Variants in WRN observed in about 807,000 individuals in gnomAD.
The protein encoded by WRN is WRN RecQ like helicase, also known as bifunctional 3'-5' exonuclease/ATP-dependent helicase WRN.
A neutral mutation model predicts 180.7 loss-of-function variants in WRN; 149 were observed. That is an observed-to-expected ratio of 0.82 (90% CI 0.72 to 0.94). The LOEUF is 0.94. WRN is among the 40% of genes least tolerant of loss of function. The probability of loss-of-function intolerance (pLI) is 0.00; values close to 1 mark genes in which losing one functional copy is unlikely to be tolerated. For synonymous variants in WRN, 548 were observed against 568.9 expected (o/e 0.96, Z 0.52); for missense variants, 1,661 against 1,700.1 (o/e 0.98, Z 0.40).
At chr8:31,131,434 G>A (rs899040251) in intron 23 of WRN, 2 of 152,374 alleles carry the variant, frequency 1.3e-5, no homozygotes, top group African/African-American at 4.8e-5. Flanking sequence ...GGGATTACAG[G>A]CGTGAGCCAC....
chr8:31,130,007 A>G (rs1802085722), intron 23 of WRN, among the ~76,000 whole-genome samples: 1 of 110,288 alleles, frequency 9.1e-6, no homozygotes, highest in Non-Finnish European at 1.9e-5. Context: ...CTTGTCTCAA[A>G]AAAAAAACAA....
intron 28 of WRN, among the ~76,000 whole-genome samples, chr8:31,146,376 T>C (rs947849213): frequency 1.3e-5 from 2 of 151,650 alleles, no homozygotes; most frequent in African/African-American, 4.8e-5. Flanking sequence ...AACCGTGTTA[T>C]TATGGCCACC....
chr8:31,133,636 A>G (rs1802273763), intron 24 of WRN, among the ~76,000 whole-genome samples: 2 of 152,184 alleles, frequency 1.3e-5, no homozygotes, highest in South Asian at 4.1e-4. Context: ...TAGATTCTAA[A>G]TGGAGTTTAA....
At chr8:31,048,429 C>T (rs190920327) in intron 1 of WRN, among the ~76,000 whole-genome samples, 107 of 152,090 alleles carry the variant, frequency 7.0e-4, no homozygotes, top group African/African-American at 2.3e-3. Flanking sequence ...TCTCAAAAAC[C>T]GTACAGGAGA....
In WRN at chr8:31,090,480, GATTC is replaced by G. The variant is rs749616545; in HGVS notation, c.1674_1677del (p.His558GlnfsTer3). The G allele has an allele frequency of 6.2e-7, 1 of 1,612,080 alleles. No individual in the cohort carries two copies. The highest frequency in any genetic ancestry group is 8.5e-7 in the Non-Finnish European group (1 of 1,178,668). On this transcript the variant is annotated frameshift_variant, in exon 14 of 35. Transcript: ENST00000298139. LOFTEE classifies it high-confidence loss of function. ...CACCTTCAAGAGTTCAGTGGAAAGT[GATTC>G]ATTCAGTATTAGAAGAAAGAAGAGA...
At chr8:31,118,925 A>G (rs1801617041) in intron 20 of WRN, among the ~76,000 whole-genome samples, 1 of 151,884 alleles carries the variant, frequency 6.6e-6, no homozygotes, top group Non-Finnish European at 1.5e-5. Flanking sequence ...TTTACACCTG[A>G]GAGTTTATAA....
Position 31,141,592 on chromosome 8 carries a change from A to G in WRN, c.3130A>G (p.Thr1044Ala). 6.2e-7 allele frequency: 1 copy of G among 1,614,094 alleles called. No individual in the cohort carries two copies. Among genetic ancestry groups the G allele is most frequent in the Non-Finnish European group, 8.5e-7 (1 of 1,179,994 alleles). ...CAAATTTATGAAGATTTGCGCCCTT[A>G]CGAAAAAGGTAAACGGTGTAGGAGT... ...YNKFMKICAL[T>A]KKGRNWLHKA... Residue 1044 changes from threonine (T) to alanine (A), a missense_variant, in exon 25 of 35, where the codon ACG becomes GCG. By Grantham distance (58) the Thr-to-Ala change is moderately conservative. Around this residue, in one of 3 missense-constraint regions of WRN, gnomAD observed 1,141 missense variants for 1,149.4 expected, o/e 0.99. Transcript: ENST00000298139.
intron 7 of WRN, among the ~76,000 whole-genome samples, chr8:31,069,857 T>C (rs1812841515): frequency 6.6e-6 from 1 of 152,118 alleles, no homozygotes; most frequent in African/African-American, 2.4e-5. Context: ...ATTTTTTGGC[T>C]TTATGGTTGT....
intron 11 of WRN, among the ~76,000 whole-genome samples, chr8:31,085,852 G>A (rs978932245): frequency 3.9e-5 from 6 of 151,994 alleles, no homozygotes; most frequent in Non-Finnish European, 7.4e-5. Context: ...TTGAAATTGA[G>A]TTTCCTTTCT....
intron 24 of WRN, 25 bp from the exon 25 acceptor site, chr8:31,141,405 A>T: frequency 6.2e-7 from 1 of 1,613,606 alleles, no homozygotes; most frequent in Non-Finnish European, 8.5e-7. Context: ...GCATTTTTAG[A>T]TACTGATTTT....
Position 31,081,305 on chromosome 8 carries a change from TAAAG to T in WRN, c.1269+11_1269+14del. ...CTTATAAATCTACTGAGGTACTAAATAAAGAGGAAGCACATTTTTAGTTATTAGT... is the reference window on the plus strand; with the variant it reads ...CTTATAAATCTACTGAGGTACTAAATAGGAAGCACATTTTTAGTTATTAGT... On this transcript the variant is annotated intron_variant, in intron 9 of 34. Coordinates refer to ENST00000298139, the MANE Select transcript of WRN (RefSeq NM_000553.6). The T allele has an allele frequency of 9.3e-6, 15 of 1,612,930 alleles. No homozygotes were observed. Among genetic ancestry groups the T allele is most frequent in the Non-Finnish European group, 1.2e-5 (14 of 1,179,250 alleles).
Position 31,120,293 on chromosome 8 carries a change from T to G in WRN, c.2499T>G (p.Ile833Met). The G allele has an allele frequency of 6.2e-7, 1 of 1,613,088 alleles. No individual in the cohort carries two copies. Among genetic ancestry groups the G allele is most frequent in the Non-Finnish European group, 8.5e-7 (1 of 1,179,192 alleles). The change falls in exon 21 of 35, where the codon ATT becomes ATG. Residue 833 changes from isoleucine to methionine, a missense_variant. Transcript: ENST00000298139. ...GAATGGGCATTAATAAAGCTGACAT[T>G]CGCCAAGTCATTCATTACGGTGCTC... ...AFGMGINKAD[I>M]RQVIHYGAPK...
At chr8:31,114,500 T>G (rs918659014) in intron 19 of WRN, among the ~76,000 whole-genome samples, 1 of 152,202 alleles carries the variant, frequency 6.6e-6, no homozygotes, top group African/African-American at 2.4e-5. Flanking sequence ...AGTTCAAATT[T>G]TTACATATTT....
At chr8:31,049,845 A>C (rs138049134) in intron 1 of WRN, among the ~76,000 whole-genome samples, 2,717 of 152,188 alleles carry the variant, frequency 0.018, 61 homozygotes, top group Admixed American at 0.041. Context: ...ACTCATGTGT[A>C]ATTATAGTTT....
At chr8:31,106,736 C>T (rs1801113484) in intron 18 of WRN, among the ~76,000 whole-genome samples, 1 of 152,164 alleles carries the variant, frequency 6.6e-6, no homozygotes, top group South Asian at 2.1e-4. Flanking sequence ...TTAAAAATAG[C>T]ACTATCACTG....
At chr8:31,045,537 G>A (rs1428352195) in intron 1 of WRN, among the ~76,000 whole-genome samples, 1 of 151,802 alleles carries the variant, frequency 6.6e-6, no homozygotes, top group Non-Finnish European at 1.5e-5. Context: ...CTAGTAGATG[G>A]GATTACAGCA....
At chr8:31,164,411 T>C (rs960177524) in intron 33 of WRN, among the ~76,000 whole-genome samples, 26 of 152,220 alleles carry the variant, frequency 1.7e-4, no homozygotes, top group Admixed American at 1.2e-3. Context: ...ATCTAAACTT[T>C]GTACAATCCT....
chr8:31,136,440 C>T (rs1340347744), intron 24 of WRN, among the ~76,000 whole-genome samples: 1 of 152,230 alleles, frequency 6.6e-6, no homozygotes, highest in African/African-American at 2.4e-5. Context: ...CTAGGTCATA[C>T]TGTTACTTTG....
In WRN at chr8:31,088,931, C is replaced by T. The variant is rs750684158; in HGVS notation, c.1618C>T (p.Leu540Phe). The T allele has an allele frequency of 2.5e-6, 4 of 1,611,538 alleles. No homozygotes were observed. The South Asian group carries it at 3.3e-5, about 13-fold the overall frequency. The change falls in exon 13 of 35, where the codon CTC (leucine) becomes TTC (phenylalanine). Residue 540 changes from leucine (L) to phenylalanine (F), a missense_variant. Around this residue, in one of 3 missense-constraint regions of WRN, gnomAD observed 1,141 missense variants for 1,149.4 expected, o/e 0.99. Transcript: ENST00000298139. ...PAPNEEQVTC[L>F]KMYFGHSSFK... ...ACCCAATGAAGAGCAAGTTACTTGC[C>T]TCAAGATGTACTTTGGCCATTCCAG...
Sources: allele counts gnomAD v4.1 joint callset (sites outside exome capture counted in the v4.1 genomes callset), GRCh38; gene constraint gnomAD v4.1.1; regional missense constraint gnomAD v4.1.1; transcripts MANE v1.5; gene names NCBI Gene and HGNC (gene_info 2026-07-23, HGNC 2026-07-21).